The following GCN1 variants were observed in gnomAD, a reference collection of about 807,000 sequenced individuals.
The protein encoded by GCN1 is GCN1 activator of EIF2AK4.
In GCN1, 90 loss-of-function variants were observed where a neutral mutation model predicts 288.4. The ratio of observed to expected loss-of-function variants is 0.31; its 90% CI spans 0.26 to 0.37. GCN1 has a LOEUF of 0.37. GCN1 is among the 10% of genes least tolerant of loss of function. The pLI is 1.00. For missense variants in GCN1, 2,586 were observed against 3,419.9 expected (o/e 0.76, Z 6.08); for synonymous variants, 1,386 against 1,420.2 (o/e 0.98, Z 0.54).
intron 16 of GCN1, among the ~76,000 whole-genome samples, chr12:120,166,509 C>T (rs1878130516): frequency 6.6e-6 from 1 of 151,562 alleles, no homozygotes; most frequent in Non-Finnish European, 1.5e-5. Flanking sequence ...CCAAGACCAG[C>T]CTGGCTAACA....
intron 20 of GCN1, 37 bp from the exon 21 acceptor site, chr12:120,162,095 A>C: frequency 1.9e-6 from 3 of 1,583,170 alleles, no homozygotes; most frequent in Non-Finnish European, 2.6e-6. Context: ...GTGTGTGCCA[A>C]GGCTGGCACT....
intron 1 of GCN1, among the ~76,000 whole-genome samples, chr12:120,193,141 T>C (rs1879060445): frequency 6.6e-6 from 1 of 152,072 alleles, no homozygotes; most frequent in South Asian, 2.1e-4. Flanking sequence ...TCACCTGAGG[T>C]CAGGAATTCG....
rs1229562559 is a variant in GCN1 at position 120,188,440 on chromosome 12, G to GAAAA, written c.121+1854_121+1857dup. Among the ~76,000 whole-genome samples, 60 of 115,772 alleles carry GAAAA rather than the reference G, an allele frequency of 5.2e-4. 3 individuals carry two copies. Among genetic ancestry groups the GAAAA allele is most frequent in the South Asian group, 1.3e-3 (5 of 3,792 alleles). 76.0% of individuals were successfully genotyped at this position (115,772 alleles called of 152,430 possible). A position where few individuals can be genotyped will look rare whatever the true frequency, so the allele number is the denominator to read the frequency against. ...CAGAGGGAGACTCTGTCTCACCAAA[G>GAAAA]AAAAAAAAAAAAAAAAAACCTCTCC... On this transcript the variant is annotated intron_variant, in intron 2 of 57. Coordinates refer to ENST00000300648, the MANE Select transcript of GCN1 (RefSeq NM_006836.2).
intron 16 of GCN1, 98 bp from the exon 17 acceptor site, chr12:120,164,819 C>T (rs1049549026): frequency 8.2e-6 from 6 of 731,642 alleles, no homozygotes; most frequent in Non-Finnish European, 1.4e-5. Context: ...TGAAAATTAA[C>T]ACCAAAATAT....
chr12:120,142,958 C>T lies in GCN1; in HGVS notation c.5496-17G>A, dbSNP rs993830436. On this transcript the variant is annotated splice_polypyrimidine_tract_variant and intron_variant, in intron 42 of 57. Transcript: ENST00000300648. This position sits in a 1 kb window ranked among gnomAD's most constrained non-coding sequence, Gnocchi z 4.9. Reference sequence around the variant, plus strand: ...GAGCTGAACCTGAGAAGGAGGCCAACAACACAGTCACACAGCTGCAAGGAG... The same window carrying T: ...GAGCTGAACCTGAGAAGGAGGCCAATAACACAGTCACACAGCTGCAAGGAG... 1.6e-5 allele frequency: 23 copies of T among 1,468,482 alleles called. No individual in the cohort carries two copies. The Admixed American group carries it at 3.8e-4, about 25-fold the overall frequency. 91.0% of individuals were successfully genotyped at this position (1,468,482 alleles called of 1,614,324 possible).
chr12:120,138,922 A>G, intron 45 of GCN1, 66 bp from the exon 46 acceptor site: 1 of 1,450,918 alleles, frequency 6.9e-7, no homozygotes, highest in Non-Finnish European at 9.4e-7. Flanking sequence ...AGCAGACAAG[A>G]AGCACAGGCA....
At chr12:120,162,203 G>A (rs1396034699) in intron 20 of GCN1, 145 bp from the exon 21 acceptor site, 9 of 655,118 alleles carry the variant, frequency 1.4e-5, no homozygotes, top group Non-Finnish European at 2.3e-5. Flanking sequence ...ACAGTGGCCG[G>A]CTGGAGTCTG....
chr12:120,129,520 T>C (rs1035282073), intron 56 of GCN1, 26 bp from the exon 57 acceptor site: 3 of 1,531,652 alleles, frequency 2.0e-6, no homozygotes, highest in Non-Finnish European at 2.7e-6. Context: ...CAAACAGGCT[T>C]TTGGATAGGC....
intron 26 of GCN1, 66 bp downstream of exon 26, chr12:120,157,783 G>A (rs1318131804): frequency 7.9e-6 from 10 of 1,271,540 alleles, no homozygotes; most frequent in East Asian, 2.3e-5. Flanking sequence ...GAGACAAAAC[G>A]TGTCCACAGG....
chr12:120,151,125 C>T lies in GCN1; in HGVS notation c.4309+20G>A. 6.2e-7 allele frequency: 1 copy of T among 1,609,166 alleles called. No homozygotes were observed. Reference sequence around the variant, plus strand: ...GACCAACTTCCCATGCTGGGCAGCCCCAAGCTCAGAGATGCTCACCCTCTC... The same window carrying T: ...GACCAACTTCCCATGCTGGGCAGCCTCAAGCTCAGAGATGCTCACCCTCTC... On this transcript the variant is annotated intron_variant, in intron 34 of 57. Transcript: ENST00000300648.
chr12:120,173,590 T>C, intron 14 of GCN1, 63 bp downstream of exon 14: 3 of 908,814 alleles, frequency 3.3e-6, no homozygotes, highest in South Asian at 3.0e-5. Flanking sequence ...ACACTAACAA[T>C]ACCCTAAAGA....
At chr12:120,189,503 C>T (rs563393727) in intron 2 of GCN1, among the ~76,000 whole-genome samples, 1 of 151,614 alleles carries the variant, frequency 6.6e-6, no homozygotes, top group East Asian at 2.0e-4. Context: ...GCTGGGATTA[C>T]AGGTGCACAC....
intron 14 of GCN1, among the ~76,000 whole-genome samples, chr12:120,171,141 CAAAAAAAAAA>C (rs56734169): frequency 1.1e-5 from 1 of 88,468 alleles, no homozygotes; most frequent in Non-Finnish European, 2.5e-5. Flanking sequence ...ACCCCATCTC[CAAAAAAAAAA>C]AAAAAAAGAG....
chr12:120,184,726 C>G, intron 3 of GCN1, 98 bp downstream of exon 3: 1 of 877,502 alleles, frequency 1.1e-6, no homozygotes, highest in Non-Finnish European at 1.9e-6. Flanking sequence ...CCAGATTTGG[C>G]ACCAGGCAGT....
Position 120,184,870 on chromosome 12 carries a change from C to A in GCN1, c.139G>T (p.Val47Leu). The A allele has an allele frequency of 1.2e-6, 2 of 1,611,702 alleles. No individual in the cohort carries two copies. The highest frequency in any genetic ancestry group is 1.7e-6 in the Non-Finnish European group (2 of 1,178,086). The change falls in exon 3 of 58, where the codon GTG (valine) becomes TTG (leucine). Residue 47 changes from valine to leucine, a missense_variant. Coordinates refer to ENST00000300648, the MANE Select transcript of GCN1 (RefSeq NM_006836.2). ...CAGAACAATTTGCAGAGCCCCTTCA[C>A]TGCTCCCTCTGGAAGATCTGAAACC... is the stretch of plus-strand genomic sequence containing the variant. ...VAGKDLPEGA[V>L]KGLCKLFCLT...
rs769007980 is a variant in GCN1 at position 120,151,355 on chromosome 12, C to T, written c.4099G>A (p.Val1367Met). ...CCAGCATCCTCCTTGATGGCTGGCA[C>T]AAGGGGTGGCAAGCAGCTGGCTACG... is the stretch of plus-strand genomic sequence containing the variant. ...ESVASCLPPL[V>M]PAIKEDAGGM... Residue 1367 changes from valine to methionine, a missense_variant, in exon 34 of 58, where the codon GTG becomes ATG. Around this residue, in one of 8 missense-constraint regions of GCN1, gnomAD observed 332 missense variants for 403.0 expected, o/e 0.82. Coordinates refer to ENST00000300648, the MANE Select transcript of GCN1 (RefSeq NM_006836.2). 18 of 1,613,686 alleles carry T rather than the reference C, an allele frequency of 1.1e-5. No individual in the cohort carries two copies. The highest frequency in any genetic ancestry group is 2.7e-5 in the African/African-American group (2 of 74,912).
At chr12:120,185,747 C>A (rs749161722) in intron 2 of GCN1, among the ~76,000 whole-genome samples, 1 of 152,080 alleles carries the variant, frequency 6.6e-6, no homozygotes, top group Admixed American at 6.5e-5. Flanking sequence ...ACTAAAGGTG[C>A]GCACCACCAC....
intron 14 of GCN1, among the ~76,000 whole-genome samples, chr12:120,170,759 T>A (rs1878288391): frequency 6.6e-6 from 1 of 152,072 alleles, no homozygotes; most frequent in African/African-American, 2.4e-5. Context: ...AGAGCCACCC[T>A]CAATCCTGTC....
chr12:120,144,457 A>G lies in GCN1; in HGVS notation c.5353-9T>C, dbSNP rs1454617021. Reference sequence around the variant, plus strand: ...TTCTCATCAGCAAGAGCCTGGGCACACAGAGGGTGGGTCAGCCAGAGCTGC... The same window carrying G: ...TTCTCATCAGCAAGAGCCTGGGCACGCAGAGGGTGGGTCAGCCAGAGCTGC... On this transcript the variant is annotated splice_polypyrimidine_tract_variant and intron_variant, in intron 41 of 57. Transcript: ENST00000300648. This position sits in a 1 kb window ranked among gnomAD's most constrained non-coding sequence, Gnocchi z 4.7. 1.9e-6 allele frequency: 3 copies of G among 1,610,134 alleles called. No individual in the cohort carries two copies. Among genetic ancestry groups the G allele is most frequent in the African/African-American group, 2.7e-5 (2 of 74,824 alleles).
Sources: allele counts gnomAD v4.1 joint callset (sites outside exome capture counted in the v4.1 genomes callset), GRCh38; gene constraint gnomAD v4.1.1; regional missense constraint gnomAD v4.1.1; non-coding constraint Gnocchi (gnomAD v3.1); transcripts MANE v1.5; gene names NCBI Gene and HGNC (gene_info 2026-07-23, HGNC 2026-07-21).